Variants in CRIP2 observed in about 807,000 individuals in gnomAD.
CRIP2 encodes cysteine-rich protein 2.
Under a neutral mutation model 31.3 loss-of-function variants are expected in CRIP2, and 31 were observed. That is an observed-to-expected ratio of 0.99 (90% CI 0.74 to 1.34). CRIP2 has a LOEUF of 1.34. CRIP2 is among the 40% of genes most tolerant of loss of function. The probability of loss-of-function intolerance (pLI) is 0.00; values close to 1 mark genes in which losing one functional copy is unlikely to be tolerated. For missense variants in CRIP2, 389 were observed against 301.6 expected, an observed-to-expected ratio of 1.29 and a Z score of -2.15; for synonymous variants, 177 against 127.2, an observed-to-expected ratio of 1.39 and a Z score of -2.63.
chr14:105,477,552 G>A (rs587718318), intron 1 of CRIP2: 1 of 984,042 alleles, frequency 1.0e-6, no homozygotes, highest in Admixed American at 6.2e-5. Context: ...TGCGAGGCAG[G>A]TGTGAGAGGG....
upstream of CRIP2, among the ~76,000 whole-genome samples, chr14:105,473,926 C>G (rs1555435229): frequency 1.3e-5 from 2 of 152,190 alleles, no homozygotes; most frequent in Admixed American, 1.3e-4. Context: ...GGAGTGTCAG[C>G]CCCAGCCCGG....
rs1033484131 is a variant in CRIP2 at position 105,480,118 on chromosome 14, C to G, written c.*465C>G. 9.9e-6 allele frequency: 2 copies of G among 201,756 alleles called. No homozygotes were observed. The highest frequency in any genetic ancestry group is 8.0e-5 in the South Asian group (1 of 12,492). The allele number at this position is 201,756 out of a possible 1,614,324, so 12.5% of individuals were successfully genotyped here. ...CGCTCGCCACCCTCACGTGGCTCAC[C>G]TGCTGTTGAGCCTTGTGCTGTCAAT... On this transcript the variant is annotated 3_prime_UTR_variant, in exon 8 of 8. Coordinates refer to ENST00000329146, the MANE Select transcript of CRIP2 (RefSeq NM_001312.4).
rs782631571 is a variant in CRIP2 at position 105,474,828 on chromosome 14, G to A, written c.-35G>A. ...GGGCGGCGGCGGCCCGGAGGAGAAC[G>A]GGCGGAGGGCGCGGGCCGACCGGGC... On this transcript the variant is annotated 5_prime_UTR_variant, in exon 1 of 8. Transcript: ENST00000329146. This position sits in a 1 kb window ranked among gnomAD's most constrained non-coding sequence, Gnocchi z 5.1. The A allele has an allele frequency of 1.4e-6, 2 of 1,414,378 alleles. No homozygotes were observed. The highest frequency in any genetic ancestry group is 1.9e-6 in the Non-Finnish European group (2 of 1,071,688). The allele number at this position is 1,414,378 out of a possible 1,614,324, so 87.6% of individuals were successfully genotyped here. A position where few individuals can be genotyped will look rare whatever the true frequency, so the allele number is the denominator to read the frequency against.
chr14:105,477,400 G>A, intron 1 of CRIP2: 1 of 985,174 alleles, frequency 1.0e-6, no homozygotes, highest in Non-Finnish European at 1.2e-6. Flanking sequence ...GACAGATGAG[G>A]GTCCCGCCTG....
At chr14:105,474,618 C>A (rs1356594174), upstream of CRIP2, 4 of 231,512 alleles carry the variant, frequency 1.7e-5, no homozygotes. This position sits in a 1 kb window ranked among gnomAD's most constrained non-coding sequence, Gnocchi z 5.1. Flanking sequence ...ACGCCACCTC[C>A]GGCGCGAGGG....
At chr14:105,476,788 C>G (rs1036431250) in intron 1 of CRIP2, 11 of 984,346 alleles carry the variant, frequency 1.1e-5, no homozygotes, top group Non-Finnish European at 1.3e-5. Flanking sequence ...TCAGAGGGCT[C>G]TAAGCTGGTG....
In CRIP2 at chr14:105,478,627, G is replaced by C; in HGVS notation, c.197-104G>C. ...CCCCGCCCAGAGTCCCTGCCACCCTGGAAAGCCTAGTGCCCCCCAGTCCCC... is the reference window on the plus strand; with the variant it reads ...CCCCGCCCAGAGTCCCTGCCACCCTCGAAAGCCTAGTGCCCCCCAGTCCCC... On this transcript the variant is annotated intron_variant, in intron 3 of 7. Coordinates refer to ENST00000329146, the MANE Select transcript of CRIP2 (RefSeq NM_001312.4). This position sits in a 1 kb window ranked among gnomAD's most constrained non-coding sequence, Gnocchi z 4.9. 2 of 1,504,288 alleles carry C rather than the reference G, an allele frequency of 1.3e-6. No homozygotes were observed. Among genetic ancestry groups the C allele is most frequent in the Non-Finnish European group, 1.8e-6 (2 of 1,124,536 alleles). 93.2% of individuals were successfully genotyped at this position (1,504,288 alleles called of 1,614,324 possible).
intron 1 of CRIP2, among the ~76,000 whole-genome samples, chr14:105,477,887 C>G (rs1268830157): frequency 4.8e-5 from 1 of 20,972 alleles, no homozygotes; most frequent in African/African-American, 5.0e-5. Context: ...GGTGTTGGAG[C>G]GCGGGCAGGT....
chr14:105,473,093 C>CTGTCTCTTATACA, upstream of CRIP2: 1 of 922,060 alleles, frequency 1.1e-6, no homozygotes, highest in Non-Finnish European at 1.6e-6. Flanking sequence ...TGGCTTAGCC[C>CTGTCTCTTATACA]CAGGCTCCCA....
intron 1 of CRIP2, chr14:105,477,623 G>A (rs1026224967): frequency 1.0e-6 from 1 of 952,608 alleles, no homozygotes; most frequent in Non-Finnish European, 1.2e-6. Flanking sequence ...TAAGAGAAGT[G>A]TTTGAGGGAA....
chr14:105,478,713 A>G lies in CRIP2; in HGVS notation c.197-18A>G, dbSNP rs1189978285. ...CCCCCACCCCACGTACCCCCGCCCC[A>G]CGTACCCCCACCCGCAGGCGTGAAC... On this transcript the variant is annotated intron_variant, in intron 3 of 7. Transcript: ENST00000329146. This position sits in a 1 kb window ranked among gnomAD's most constrained non-coding sequence, Gnocchi z 4.9. The G allele has an allele frequency of 1.4e-5, 19 of 1,382,918 alleles. No homozygotes were observed. The highest frequency in any genetic ancestry group is 1.6e-5 in the Non-Finnish European group (17 of 1,069,112). The allele number at this position is 1,382,918 out of a possible 1,614,324, so 85.7% of individuals were successfully genotyped here. A position where few individuals can be genotyped will look rare whatever the true frequency, so the allele number is the denominator to read the frequency against.
At chr14:105,473,442 T>A, upstream of CRIP2, 1 of 1,535,486 alleles carries the variant, frequency 6.5e-7, no homozygotes, top group Non-Finnish European at 8.7e-7. Flanking sequence ...AGGACCACCA[T>A]GAAAGCCAGG....
At chr14:105,476,554 G>T (rs1346091697) in intron 1 of CRIP2, 1 of 985,378 alleles carries the variant, frequency 1.0e-6, no homozygotes, top group Non-Finnish European at 1.2e-6. Flanking sequence ...CCCGTAATGT[G>T]TGGCCATTGA....
intron 1 of CRIP2, chr14:105,476,674 G>A: frequency 1.0e-6 from 1 of 985,120 alleles, no homozygotes; most frequent in Non-Finnish European, 1.2e-6. Context: ...ACGGCCGATA[G>A]CCACCGAGAC....
rs143077295 is a variant in CRIP2 at position 105,479,923 on chromosome 14, G to A, written c.*270G>A. Reference sequence around the variant, plus strand: ...TGTGACCCTGTCCCAGCATTTTCCCGCCGACCCTGCGTGTCCCCGTGGCGC... The same window carrying A: ...TGTGACCCTGTCCCAGCATTTTCCCACCGACCCTGCGTGTCCCCGTGGCGC... On this transcript the variant is annotated 3_prime_UTR_variant, in exon 8 of 8. Coordinates refer to ENST00000329146, the MANE Select transcript of CRIP2 (RefSeq NM_001312.4). The A allele has an allele frequency of 4.7e-4, 244 of 522,062 alleles. 1 individual carries two copies. The East Asian group carries it at 7.2e-3, about 15-fold the overall frequency. The allele number at this position is 522,062 out of a possible 1,614,324, so 32.3% of individuals were successfully genotyped here.
intron 1 of CRIP2, chr14:105,476,071 T>G (rs2141748700): frequency 1.0e-6 from 1 of 985,576 alleles, no homozygotes; most frequent in East Asian, 1.1e-4. Context: ...CCGAGGGGCT[T>G]CCGGCTGCCT....
chr14:105,476,729 C>T, intron 1 of CRIP2: 1 of 985,436 alleles, frequency 1.0e-6, no homozygotes, highest in Non-Finnish European at 1.2e-6. Flanking sequence ...TGCAGCCAGC[C>T]CCTGCCTGCC....
intron 1 of CRIP2, among the ~76,000 whole-genome samples, chr14:105,477,759 C>G (rs2083970866): frequency 9.2e-4 from 1 of 1,088 alleles, no homozygotes; most frequent in South Asian, 0.024. Context: ...GTGGGGGAGG[C>G]GGGTGTGTGT....
At chr14:105,479,393 G>A (rs2084037700) in intron 6 of CRIP2, 43 bp from the exon 7 acceptor site, 1 of 1,610,908 alleles carries the variant, frequency 6.2e-7, no homozygotes, top group African/African-American at 1.3e-5. Context: ...ATGGGTCGGG[G>A]GAGTCTGTGG....
Sources: allele counts gnomAD v4.1 joint callset (sites outside exome capture counted in the v4.1 genomes callset), GRCh38; gene constraint gnomAD v4.1.1; non-coding constraint Gnocchi (gnomAD v3.1); transcripts MANE v1.5; gene names NCBI Gene and HGNC (gene_info 2026-07-23, HGNC 2026-07-21).